Variants in EIF4G3 observed in about 807,000 individuals in gnomAD.
EIF4G3 encodes the protein eukaryotic translation initiation factor 4 gamma 3, also known as eIF-4-gamma 3.
A neutral mutation model predicts 186.4 loss-of-function variants in EIF4G3; 34 were observed. That is an observed-to-expected ratio of 0.18 (90% CI 0.14 to 0.24). The LOEUF (loss-of-function observed/expected upper bound fraction) is 0.24, where lower values mean the gene tolerates loss of function less well. Among genes scored for constraint, EIF4G3 ranks in the 10% least tolerant of loss-of-function variants. EIF4G3 has a pLI of 1.00. For missense variants in EIF4G3, 1,536 were observed against 1,948.5 expected, an observed-to-expected ratio of 0.79 and a Z score of 3.99; for synonymous variants, 673 against 679.5, an observed-to-expected ratio of 0.99 and a Z score of 0.15.
chr1:21,139,927 C>T (rs2097309637), intron 2 of EIF4G3, among the ~76,000 whole-genome samples: 1 of 152,150 alleles, frequency 6.6e-6, no homozygotes, highest in African/African-American at 2.4e-5. Context: ...CTTACCCCAT[C>T]CCTAGAATTA....
At chr1:21,143,250 A>G (rs1043422783) in intron 2 of EIF4G3, among the ~76,000 whole-genome samples, 3 of 151,840 alleles carry the variant, frequency 2.0e-5, no homozygotes, top group African/African-American at 7.3e-5. Flanking sequence ...ATTCGTCAAG[A>G]AAGAAAGGAA....
In EIF4G3 at chr1:20,817,274, AAAT is replaced by A. The variant is rs1404029040; in HGVS notation, c.4515+115_4515+117del. On this transcript the variant is annotated intron_variant, in intron 34 of 36. Transcript: ENST00000602326. ...AAAATAAATAAATAAAAAAATAAAT[AAAT>A]AAAAAAAAATAAAAATAAAAATTCA... 1.4e-3 allele frequency: 445 copies of A among 318,588 alleles called. 5 individuals are homozygous for A. The highest frequency in any genetic ancestry group is 2.3e-3 in the Middle Eastern group (2 of 876). The allele number at this position is 318,588 out of a possible 1,614,324, so 19.7% of individuals were successfully genotyped here.
chr1:20,908,870 C>T (rs190594270), intron 14 of EIF4G3, among the ~76,000 whole-genome samples: 298 of 152,198 alleles, frequency 2.0e-3, no homozygotes, highest in African/African-American at 6.8e-3. Flanking sequence ...AATATGGAGG[C>T]TGGGCGCAGT....
chr1:21,002,008 C>A (rs940422060), intron 5 of EIF4G3, among the ~76,000 whole-genome samples: 24 of 152,306 alleles, frequency 1.6e-4, no homozygotes, highest in Non-Finnish European at 2.9e-4. Context: ...ACAGAAGCAC[C>A]TTCTAGCCAA....
chr1:20,876,443 T>TAAAAAAAAAA (rs386366428), intron 20 of EIF4G3, among the ~76,000 whole-genome samples: 1 of 80,888 alleles, frequency 1.2e-5, no homozygotes. Flanking sequence ...ATTTATTAAG[T>TAAAAAAAAAA]AAAAAAAAAA....
Position 20,899,846 on chromosome 1 carries a change from A to T in EIF4G3, c.1850T>A (p.Leu617Gln). Residue 617 changes from leucine (L) to glutamine (Q), a missense_variant, in exon 16 of 37, where the codon CTA (leucine) becomes CAA (glutamine). Around this residue, in one of 11 missense-constraint regions of EIF4G3, gnomAD observed 560 missense variants for 547.8 expected, o/e 1.02. Transcript: ENST00000602326. ...GFHPERDPSD[L>Q]KKVKAVEENG... ...TTCTTCCACAGCTTTCACTTTTTTT[A>T]GGTCAGAGGGGTCTCTTTCAGGATG... The T allele has an allele frequency of 6.2e-7, 1 of 1,613,982 alleles. No homozygotes were observed. Among genetic ancestry groups the T allele is most frequent in the Non-Finnish European group, 8.5e-7 (1 of 1,179,980 alleles).
chr1:20,977,535 T>A (rs780361946), intron 10 of EIF4G3, among the ~76,000 whole-genome samples: 13 of 152,208 alleles, frequency 8.5e-5, no homozygotes, highest in Non-Finnish European at 2.9e-5. Flanking sequence ...TGAAATAAAT[T>A]ATTTTAAGAT....
intron 6 of EIF4G3, among the ~76,000 whole-genome samples, chr1:21,000,007 T>C (rs1447488222): frequency 3.3e-5 from 5 of 151,984 alleles, no homozygotes; most frequent in Non-Finnish European, 5.9e-5. Context: ...AACATTGATG[T>C]AATTTTGAAA....
intron 14 of EIF4G3, among the ~76,000 whole-genome samples, chr1:20,918,065 T>C (rs1295074375): frequency 1.3e-5 from 2 of 152,184 alleles, no homozygotes; most frequent in Non-Finnish European, 2.9e-5. Flanking sequence ...ATGACAAATG[T>C]GTCCACTTAA....
chr1:21,074,112 C>G (rs555920604), intron 3 of EIF4G3, among the ~76,000 whole-genome samples: 1 of 152,148 alleles, frequency 6.6e-6, no homozygotes, highest in South Asian at 2.1e-4. Context: ...AATAATTTTG[C>G]CTAACGTTTG....
intron 18 of EIF4G3, among the ~76,000 whole-genome samples, chr1:20,890,817 A>G (rs1371815290): frequency 6.6e-6 from 1 of 152,238 alleles, no homozygotes; most frequent in Non-Finnish European, 1.5e-5. Flanking sequence ...TATCTACATC[A>G]ATATACCAAG....
chr1:20,986,766 A>G (rs1318531120), intron 7 of EIF4G3, among the ~76,000 whole-genome samples: 6 of 146,834 alleles, frequency 4.1e-5, no homozygotes, highest in East Asian at 1.9e-4. Context: ...AAAAAAAAAA[A>G]AAAAAGAAAA....
chr1:21,159,312 T>C (rs930552824), intron 2 of EIF4G3, among the ~76,000 whole-genome samples: 8 of 151,984 alleles, frequency 5.3e-5, no homozygotes, highest in African/African-American at 1.9e-4. Context: ...CAGTGGTGTG[T>C]GCCTGTAGTC....
chr1:21,051,722 G>C (rs1181040230), intron 3 of EIF4G3, among the ~76,000 whole-genome samples: 1 of 152,046 alleles, frequency 6.6e-6, no homozygotes, highest in Non-Finnish European at 1.5e-5. Flanking sequence ...CATTAGCTAG[G>C]CATGGTGGCA....
chr1:20,928,700 CT>C (rs577689321), intron 14 of EIF4G3, among the ~76,000 whole-genome samples: 142 of 152,178 alleles, frequency 9.3e-4, no homozygotes, highest in African/African-American at 3.3e-3. Flanking sequence ...CGCCAGGCCC[CT>C]CTTTTTAAAA....
At chr1:20,967,422 A>T (rs2074932521) in intron 12 of EIF4G3, among the ~76,000 whole-genome samples, 1 of 152,194 alleles carries the variant, frequency 6.6e-6, no homozygotes, top group African/African-American at 2.4e-5. Flanking sequence ...TTCAATTTGA[A>T]AATTTTGCTT....
At chr1:21,173,350 C>T (rs1558307436) in intron 2 of EIF4G3, among the ~76,000 whole-genome samples, 1 of 151,774 alleles carries the variant, frequency 6.6e-6, no homozygotes, top group Non-Finnish European at 1.5e-5. Flanking sequence ...GCAGGCGCCA[C>T]CACGCCCGGC....
At chr1:20,876,853 A>C (rs1271566664) in intron 20 of EIF4G3, among the ~76,000 whole-genome samples, 2 of 152,052 alleles carry the variant, frequency 1.3e-5, no homozygotes, top group Non-Finnish European at 2.9e-5. Context: ...AAAAATAGCC[A>C]GGCCTGGTGG....
chr1:20,979,703 T>C (rs1031525827), intron 10 of EIF4G3, among the ~76,000 whole-genome samples: 1 of 152,094 alleles, frequency 6.6e-6, no homozygotes, highest in Non-Finnish European at 1.5e-5. Flanking sequence ...TAACTAAATA[T>C]ATTTCTATAA....
Sources: gnomAD v4.1 joint callset for allele counts (sites outside exome capture counted in the v4.1 genomes callset) on GRCh38, gnomAD v4.1.1 for gene constraint, gnomAD v4.1.1 regional missense constraint, MANE v1.5 for transcripts, NCBI Gene and HGNC (gene_info 2026-07-23, HGNC 2026-07-21) for gene names.